The following PID1 variants were observed in gnomAD, a reference collection of about 807,000 sequenced individuals.
The protein encoded by PID1 is PTB-containing, cubilin and LRP1-interacting protein.
A neutral mutation model predicts 19.1 loss-of-function variants in PID1; 10 were observed. The observed-to-expected ratio is 0.52, with a 90% confidence interval of 0.32 to 0.89. PID1 has a LOEUF of 0.89. Among genes scored for constraint, PID1 ranks in the 40% least tolerant of loss-of-function variants. The probability of loss-of-function intolerance (pLI) is 0.03; values close to 1 mark genes in which losing one functional copy is unlikely to be tolerated. For missense variants in PID1, 248 were observed against 285.3 expected (o/e 0.87, Z 0.94); for synonymous variants, 130 against 116.0 (o/e 1.12, Z -0.78).
At chr2:229,029,765 G>T (rs754898517) in intron 2 of PID1, among the ~76,000 whole-genome samples, 1 of 151,468 alleles carries the variant, frequency 6.6e-6, no homozygotes, top group Admixed American at 6.6e-5. Flanking sequence ...GCTTGAAACC[G>T]GGAGGCAGAG....
chr2:229,252,536 T>A (rs1004520058), intron 1 of PID1, among the ~76,000 whole-genome samples: 6 of 152,162 alleles, frequency 3.9e-5, no homozygotes, highest in Non-Finnish European at 7.3e-5. Context: ...AAAATGCCAA[T>A]TGTCTGGGTC....
Position 229,155,803 on chromosome 2 carries a change from C to A in PID1, c.177+15G>T. 1 of 1,597,244 alleles carries A rather than the reference C, an allele frequency of 6.3e-7. No individual in the cohort carries two copies. Among genetic ancestry groups the A allele is most frequent in the Non-Finnish European group, 8.5e-7 (1 of 1,169,690 alleles). On this transcript the variant is annotated intron_variant, in intron 2 of 2. Coordinates refer to ENST00000392055, the MANE Select transcript of PID1 (RefSeq NM_001100818.2). ...ATCTCACCAAGAGAACCCCTGCTGG[C>A]CACGTGCCCCATACCTTGCAGCCAC...
chr2:229,220,340 T>G (rs1691939881), intron 1 of PID1, among the ~76,000 whole-genome samples: 1 of 152,188 alleles, frequency 6.6e-6, no homozygotes, highest in African/African-American at 2.4e-5. Flanking sequence ...GAGCCCCAGA[T>G]GGAGGGGCAT....
chr2:229,152,755 C>A (rs780102726), intron 2 of PID1, among the ~76,000 whole-genome samples: 3 of 151,898 alleles, frequency 2.0e-5, no homozygotes, highest in African/African-American at 4.8e-5. Flanking sequence ...TCAGGACCCA[C>A]GGAGAATACA....
chr2:229,176,072 A>G (rs1007425867), intron 1 of PID1, among the ~76,000 whole-genome samples: 1 of 152,210 alleles, frequency 6.6e-6, no homozygotes, highest in South Asian at 2.1e-4. Flanking sequence ...ATGTAGAACA[A>G]CTTTATATTT....
intron 1 of PID1, among the ~76,000 whole-genome samples, chr2:229,169,752 C>A (rs1690673386): frequency 6.6e-6 from 1 of 152,142 alleles, no homozygotes. Context: ...TAACCCTATC[C>A]TCCCTGACAA....
intron 1 of PID1, among the ~76,000 whole-genome samples, chr2:229,168,139 T>C (rs1430897762): frequency 6.6e-6 from 1 of 152,206 alleles, no homozygotes; most frequent in Non-Finnish European, 1.5e-5. Flanking sequence ...AAGCCAGTTA[T>C]ATAGCTTGTT....
At chr2:229,085,224 A>T (rs866420184) in intron 2 of PID1, among the ~76,000 whole-genome samples, 214 of 130,708 alleles carry the variant, frequency 1.6e-3, no homozygotes, top group Middle Eastern at 3.8e-3. Context: ...ATATACTTGT[A>T]AAAAAAAAAA....
At chr2:229,253,668 C>G (rs977666401) in intron 1 of PID1, among the ~76,000 whole-genome samples, 1 of 151,986 alleles carries the variant, frequency 6.6e-6, no homozygotes, top group African/African-American at 2.4e-5. Context: ...GGAAGGGTAC[C>G]CATATACAAG....
At chr2:229,207,607 G>A (rs554905365) in intron 1 of PID1, among the ~76,000 whole-genome samples, 5 of 151,036 alleles carry the variant, frequency 3.3e-5, no homozygotes, top group Admixed American at 6.6e-5. Flanking sequence ...CTCAGCTGGC[G>A]GTTCTCAGAT....
At chr2:229,132,237 T>C (rs886570098) in intron 2 of PID1, among the ~76,000 whole-genome samples, 2 of 152,214 alleles carry the variant, frequency 1.3e-5, no homozygotes, top group African/African-American at 4.8e-5. Context: ...ATGGCTCCAA[T>C]GAGCTTCTGA....
intron 2 of PID1, among the ~76,000 whole-genome samples, chr2:229,051,575 C>T (rs959188920): frequency 6.6e-6 from 1 of 152,102 alleles, no homozygotes; most frequent in African/African-American, 2.4e-5. Context: ...AGAGCCCAAG[C>T]GATCTGCTTG....
chr2:229,112,440 G>C (rs758742939), intron 2 of PID1, among the ~76,000 whole-genome samples: 1 of 152,136 alleles, frequency 6.6e-6, no homozygotes, highest in Non-Finnish European at 1.5e-5. Context: ...ATCTAGAAAT[G>C]CACCTCCTAA....
At chr2:229,036,826 C>T (rs1043957132) in intron 2 of PID1, among the ~76,000 whole-genome samples, 1 of 152,216 alleles carries the variant, frequency 6.6e-6, no homozygotes, top group African/African-American at 2.4e-5. Flanking sequence ...ATGAAGCCTA[C>T]TAATTGTCAT....
chr2:229,106,939 T>C (rs1409227728), intron 2 of PID1, among the ~76,000 whole-genome samples: 2 of 152,214 alleles, frequency 1.3e-5, no homozygotes, highest in Non-Finnish European at 1.5e-5. Context: ...TCTTTGCAGA[T>C]GTAACTGAGT....
chr2:229,238,508 A>G (rs1193747022), intron 1 of PID1, among the ~76,000 whole-genome samples: 1 of 152,176 alleles, frequency 6.6e-6, no homozygotes, highest in Non-Finnish European at 1.5e-5. Context: ...TACAGTACTT[A>G]TAAGAAAAGA....
intron 2 of PID1, among the ~76,000 whole-genome samples, chr2:229,074,514 T>G (rs1694520036): frequency 6.6e-6 from 1 of 152,174 alleles, no homozygotes; most frequent in Non-Finnish European, 1.5e-5. Flanking sequence ...GTAAAACTAA[T>G]ACACAATTGT....
At chr2:229,152,755 C>T (rs780102726) in intron 2 of PID1, among the ~76,000 whole-genome samples, 13 of 151,898 alleles carry the variant, frequency 8.6e-5, no homozygotes, top group Non-Finnish European at 1.8e-4. Context: ...TCAGGACCCA[C>T]GGAGAATACA....
At chr2:229,041,012 T>A (rs1559205804) in intron 2 of PID1, among the ~76,000 whole-genome samples, 1 of 152,198 alleles carries the variant, frequency 6.6e-6, no homozygotes, top group African/African-American at 2.4e-5. Context: ...TATATCTAGA[T>A]ATGTAGACAC....
Sources: gnomAD v4.1 joint callset for allele counts (sites outside exome capture counted in the v4.1 genomes callset) on GRCh38, gnomAD v4.1.1 for gene constraint, MANE v1.5 for transcripts, NCBI Gene and HGNC (gene_info 2026-07-23, HGNC 2026-07-21) for gene names.